PALLD: variants seen among roughly 807,000 people sequenced by gnomAD.
The protein encoded by PALLD is palladin.
Under a neutral mutation model 123.5 loss-of-function variants are expected in PALLD, and 61 were observed. That is an observed-to-expected ratio of 0.49 (90% CI 0.40 to 0.61). PALLD has a LOEUF of 0.61. Among genes scored for constraint, PALLD ranks in the 20% least tolerant of loss-of-function variants. The pLI is 0.00. For missense variants in PALLD, 1,273 were observed against 1,377.0 expected, an observed-to-expected ratio of 0.92 and a Z score of 1.20; for synonymous variants, 465 against 496.4, an observed-to-expected ratio of 0.94 and a Z score of 0.84.
chr4:168,851,643 C>T (rs182821840), intron 10 of PALLD, among the ~76,000 whole-genome samples: 3 of 152,308 alleles, frequency 2.0e-5, no homozygotes, highest in African/African-American at 7.2e-5. Flanking sequence ...GCTGGGATTA[C>T]AGGCATAAGC....
chr4:168,852,283 C>G (rs748290680), intron 10 of PALLD, among the ~76,000 whole-genome samples: 1 of 152,194 alleles, frequency 6.6e-6, no homozygotes, highest in Non-Finnish European at 1.5e-5. Flanking sequence ...CCACACTGTA[C>G]TTGCTGGCTT....
At position 168,514,118 on chromosome 4, in the gene PALLD, G is replaced by GA. The variant is rs72070878; in HGVS notation, c.908+1717dup. ...AGAGCGAGACTCTGTCTCAAAAAAA[G>GA]AAAAAAAAAAAGTTAACTGAAAATT... On this transcript the variant is annotated intron_variant, in intron 2 of 21. Transcript: ENST00000505667. Among the ~76,000 whole-genome samples, 28 of 146,388 alleles carry GA rather than the reference G, an allele frequency of 1.9e-4. No individual in the cohort carries two copies. In the East Asian group the frequency reaches 2.2e-3, roughly 12 times the overall value.
rs770169972 is a variant in PALLD, at chr4:168,924,255, C to G, written c.3059C>G (p.Ala1020Gly). 1.2e-6 allele frequency: 2 copies of G among 1,613,408 alleles called. No homozygotes were observed. The highest frequency in any genetic ancestry group is 8.5e-7 in the Non-Finnish European group (1 of 1,179,438). ...GAGAATTCATCTCATGTTTTCTTAG[C>G]TAAAGAAGCACACAAACCCCCTGTG... ...NSFSLELVVAAKEAHKPPVFI... is the reference protein window; with the variant it reads ...NSFSLELVVAGKEAHKPPVFI... The change falls in exon 19 of 22, where the codon GCT becomes GGT. Residue 1020 changes from alanine to glycine, a missense_variant and splice_region_variant. Around this residue, in one of 2 missense-constraint regions of PALLD, gnomAD observed 329 missense variants for 422.5 expected, o/e 0.78. Coordinates refer to ENST00000505667, the MANE Select transcript of PALLD (RefSeq NM_001166108.2).
At chr4:168,551,778 G>A (rs866996562) in intron 2 of PALLD, among the ~76,000 whole-genome samples, 12 of 151,936 alleles carry the variant, frequency 7.9e-5, no homozygotes, top group South Asian at 4.1e-4. Flanking sequence ...GCAAACCAAG[G>A]ACAACTCTCC....
At chr4:168,852,343 A>G (rs1429038584) in intron 10 of PALLD, among the ~76,000 whole-genome samples, 1 of 152,170 alleles carries the variant, frequency 6.6e-6, no homozygotes, top group Non-Finnish European at 1.5e-5. Context: ...TCACTACTAG[A>G]TTTCTGGCAC....
At chr4:168,655,578 G>A (rs552280935) in intron 2 of PALLD, among the ~76,000 whole-genome samples, 161 of 152,318 alleles carry the variant, frequency 1.1e-3, no homozygotes, top group Non-Finnish European at 1.7e-3. Context: ...ACCAACTGAA[G>A]CATCATTTGG....
chr4:168,542,970 C>A (rs571180807), intron 2 of PALLD, among the ~76,000 whole-genome samples: 2 of 151,724 alleles, frequency 1.3e-5, no homozygotes, highest in Non-Finnish European at 2.9e-5. Flanking sequence ...CTTCCATTTC[C>A]GTATGACCTA....
chr4:168,549,395 G>A lies in PALLD; in HGVS notation c.908+36983G>A, dbSNP rs192888105. Among the ~76,000 whole-genome samples the A allele has an allele frequency of 5.2e-4, 79 of 152,178 alleles. 2 individuals carry two copies. The East Asian group carries it at 0.011, about 22-fold the overall frequency. The stretch of plus-strand genomic sequence containing the variant: ...GTCAGATGTCTCTGTATATGTGTTT[G>A]TACAGCCTCAAGACACGGTCTTAAC... On this transcript the variant is annotated intron_variant, in intron 2 of 21. Coordinates refer to ENST00000505667, the MANE Select transcript of PALLD (RefSeq NM_001166108.2).
At chr4:168,554,511 A>G (rs905386106) in intron 2 of PALLD, among the ~76,000 whole-genome samples, 28 of 152,222 alleles carry the variant, frequency 1.8e-4, no homozygotes, top group African/African-American at 6.3e-4. Context: ...ACAGATGTTC[A>G]TAGTCTCACA....
intron 3 of PALLD, among the ~76,000 whole-genome samples, chr4:168,673,891 TG>T (rs1561380158): frequency 1.6e-4 from 13 of 82,494 alleles, no homozygotes; most frequent in East Asian, 1.5e-3. Flanking sequence ...GAACGTGCTG[TG>T]TGTGTGTGTG....
chr4:168,905,350 A>G (rs1757487566), intron 15 of PALLD, among the ~76,000 whole-genome samples: 1 of 150,954 alleles, frequency 6.6e-6, no homozygotes, highest in East Asian at 2.0e-4. Flanking sequence ...GGGTTTCACC[A>G]TGTTAGCCAG....
chr4:168,555,069 A>G (rs1345904102), intron 2 of PALLD, among the ~76,000 whole-genome samples: 1 of 152,238 alleles, frequency 6.6e-6, no homozygotes, highest in Non-Finnish European at 1.5e-5. Flanking sequence ...AGAAAAAACA[A>G]ACAAAATATT....
chr4:168,606,659 G>T (rs142360598), intron 2 of PALLD, among the ~76,000 whole-genome samples: 2,985 of 107,224 alleles, frequency 0.028, 114 homozygotes, highest in African/African-American at 0.097. Context: ...GCGAGACTCC[G>T]TCTCAAAAAA....
At chr4:168,729,451 A>G (rs1786936221) in intron 10 of PALLD, among the ~76,000 whole-genome samples, 1 of 152,100 alleles carries the variant, frequency 6.6e-6, no homozygotes, top group Non-Finnish European at 1.5e-5. Flanking sequence ...GATGTAAGCC[A>G]CTGTGCCTGG....
In PALLD at chr4:168,890,912, T is replaced by TA. The variant is rs769161509; in HGVS notation, c.1965-9dup. ...AACTAACTATACTGCCTTGTGTTTT[T>TA]ATCCTGCAGAGGATTTCCAAAGAAG... On this transcript the variant is annotated splice_polypyrimidine_tract_variant and intron_variant, in intron 10 of 21. Coordinates refer to ENST00000505667, the MANE Select transcript of PALLD (RefSeq NM_001166108.2). The TA allele has an allele frequency of 3.9e-5, 63 of 1,613,922 alleles. No individual in the cohort carries two copies. Among genetic ancestry groups the TA allele is most frequent in the Non-Finnish European group, 5.3e-5 (63 of 1,179,902 alleles).
intron 8 of PALLD, among the ~76,000 whole-genome samples, chr4:168,706,472 C>T (rs1379873453): frequency 6.6e-6 from 1 of 152,104 alleles, no homozygotes; most frequent in African/African-American, 2.4e-5. Flanking sequence ...ATGAGTTGAC[C>T]TTGAGCTACA....
At chr4:168,814,279 G>A (rs2877402) in intron 10 of PALLD, among the ~76,000 whole-genome samples, 9,195 of 152,126 alleles carry the variant, frequency 0.06, 379 homozygotes, top group South Asian at 0.17. Flanking sequence ...TTAAGATTTG[G>A]GGAAATTATT....
intron 10 of PALLD, among the ~76,000 whole-genome samples, chr4:168,820,970 G>A (rs936603121): frequency 6.6e-6 from 1 of 152,180 alleles, no homozygotes; most frequent in Non-Finnish European, 1.5e-5. Context: ...GAGTTATTGA[G>A]TAATCAATGT....
chr4:168,671,990 C>G (rs988825737), intron 3 of PALLD, among the ~76,000 whole-genome samples: 1 of 152,230 alleles, frequency 6.6e-6, no homozygotes, highest in African/African-American at 2.4e-5. Flanking sequence ...GAAATTACAG[C>G]TTAAGAACAG....
Sources: allele counts gnomAD v4.1 joint callset (sites outside exome capture counted in the v4.1 genomes callset), GRCh38; gene constraint gnomAD v4.1.1; regional missense constraint gnomAD v4.1.1; transcripts MANE v1.5; gene names NCBI Gene and HGNC (gene_info 2026-07-23, HGNC 2026-07-21).